The following NEK10 variants were observed in gnomAD, a reference collection of about 807,000 sequenced individuals.
The protein encoded by NEK10 is serine/threonine-protein kinase Nek10.
NEK10 carries 122 observed loss-of-function variants against 159.8 expected under a neutral mutation model. The observed-to-expected ratio is 0.76, with a 90% CI of 0.66 to 0.89. NEK10 has a LOEUF of 0.89. NEK10 is among the 40% of genes least tolerant of loss of function. The pLI is 0.00. For synonymous variants in NEK10, 466 were observed against 457.1 expected, an observed-to-expected ratio of 1.02 and a Z score of -0.25; for missense variants, 1,342 against 1,323.1, an observed-to-expected ratio of 1.01 and a Z score of -0.22.
chr3:27,106,977 AAGG>A lies in NEK10; in HGVS notation c.*4292_*4294del, dbSNP rs1939049418. On this transcript the variant is annotated 3_prime_UTR_variant, in exon 36 of 36. Transcript: ENST00000691995. ...TGCACATCTTCACAGTACAAAAGGA[AAGG>A]AGAGAAAAAGGCAGTTTCTCATGTT... Among the ~76,000 whole-genome samples, 1 of 152,190 alleles carries A rather than the reference AAGG, an allele frequency of 6.6e-6. No individual in the cohort carries two copies. Among genetic ancestry groups the A allele is most frequent in the Non-Finnish European group, 1.5e-5 (1 of 68,038 alleles).
At chr3:27,295,329 AT>A (rs2043281562) in intron 15 of NEK10, among the ~76,000 whole-genome samples, 1 of 152,224 alleles carries the variant, frequency 6.6e-6, no homozygotes, top group Non-Finnish European at 1.5e-5. Context: ...ATTCTGATAC[AT>A]AAGGAATGCA....
chr3:27,138,022 C>G (rs1480914194), intron 31 of NEK10, among the ~76,000 whole-genome samples: 2 of 152,192 alleles, frequency 1.3e-5, no homozygotes, highest in Non-Finnish European at 2.9e-5. Flanking sequence ...ATGCTAAGCT[C>G]TATCAGAAGA....
At chr3:27,352,546 A>C in intron 2 of NEK10, 21 bp from the exon 3 acceptor site, 2 of 1,568,030 alleles carry the variant, frequency 1.3e-6, no homozygotes, top group Non-Finnish European at 1.8e-6. Flanking sequence ...GAATAACACA[A>C]TGTGAACCCA....
chr3:27,314,212 C>T, intron 7 of NEK10, 85 bp downstream of exon 7: 3 of 955,862 alleles, frequency 3.1e-6, no homozygotes, highest in East Asian at 5.2e-5. Context: ...AGGAAAGCCA[C>T]CTTCTGTCAC....
At chr3:27,252,211 T>G (rs1460521502) in intron 23 of NEK10, 1 of 505,348 alleles carries the variant, frequency 2.0e-6, no homozygotes, top group Non-Finnish European at 3.9e-6. Context: ...CAACATAAGG[T>G]CAGGTAGAGG....
chr3:27,304,596 A>G (rs2044090440), intron 12 of NEK10, 151 bp downstream of exon 12: 1 of 617,824 alleles, frequency 1.6e-6, no homozygotes. Flanking sequence ...CATGCTTGTG[A>G]CAAGTCTAGA....
At position 27,174,969 on chromosome 3, in the gene NEK10, C is replaced by A; in HGVS notation, c.2506-136G>T. The A allele has an allele frequency of 4.5e-6, 3 of 661,294 alleles. No individual in the cohort carries two copies. The South Asian group carries it at 6.6e-5, about 14-fold the overall frequency. The allele number at this position is 661,294 out of a possible 1,614,324, so 41.0% of individuals were successfully genotyped here. ...TGATGCAGAAGACGCATCAGTAGTT[C>A]CACCTATACACCTGTTACAGAATCT... On this transcript the variant is annotated intron_variant, in intron 26 of 35. Transcript: ENST00000691995.
chr3:27,185,467 G>T (rs951050472), intron 26 of NEK10, among the ~76,000 whole-genome samples: 1 of 152,128 alleles, frequency 6.6e-6, no homozygotes, highest in East Asian at 1.9e-4. Flanking sequence ...CAGGTGGCAG[G>T]TCTCCAAAGT....
At chr3:27,285,052 T>TCCCGCACAGACA in intron 20 of NEK10, 91 bp from the exon 21 acceptor site, 3 of 939,334 alleles carry the variant, frequency 3.2e-6, no homozygotes, top group Non-Finnish European at 4.7e-6. Flanking sequence ...CTTCCCAGTG[T>TCCCGCACAGACA]CTGTGCGGGA....
At position 27,302,533 on chromosome 3, in the gene NEK10, G is replaced by A. The variant is rs144387192; in HGVS notation, c.1029-698C>T. Among the ~76,000 whole-genome samples the A allele has an allele frequency of 5.7e-3, 867 of 151,942 alleles. 7 individuals carry two copies. Among genetic ancestry groups the A allele is most frequent in the African/African-American group, 0.02 (833 of 41,404 alleles). On this transcript the variant is annotated intron_variant, in intron 12 of 35. Transcript: ENST00000691995. ...CTTTAATCTCATTTCATAAATTCAT[G>A]CTCTGCTTAATGTCTTTGATGAAAT...
rs567181792 is a variant in NEK10 at position 27,237,456 on chromosome 3, A to C, written c.2090+18840T>G. On this transcript the variant is annotated intron_variant, in intron 23 of 35. Transcript: ENST00000691995. ...AAAGACAGGTGTAAGAAATTATAAA[A>C]GTATTAATTTTGGGAACTGATAAAT... Among the ~76,000 whole-genome samples, 6 of 152,352 alleles carry C rather than the reference A, an allele frequency of 3.9e-5. No homozygotes were observed. In the South Asian group the frequency reaches 1.2e-3, roughly 32 times the overall value.
chr3:27,267,878 T>G (rs962246843), intron 22 of NEK10, among the ~76,000 whole-genome samples: 1 of 152,300 alleles, frequency 6.6e-6, no homozygotes, highest in African/African-American at 2.4e-5. Flanking sequence ...AGGCTGAAAG[T>G]TAGGCCTCTG....
intron 22 of NEK10, among the ~76,000 whole-genome samples, chr3:27,265,153 T>G (rs2040784874): frequency 6.6e-6 from 1 of 152,086 alleles, no homozygotes; most frequent in Non-Finnish European, 1.5e-5. Flanking sequence ...AAAAACTGAG[T>G]GTTTCCCTTT....
intron 22 of NEK10, among the ~76,000 whole-genome samples, chr3:27,266,476 G>A (rs1252446442): frequency 3.3e-5 from 5 of 152,090 alleles, no homozygotes; most frequent in African/African-American, 1.2e-4. Flanking sequence ...ATATTCATCT[G>A]GATAATCAAA....
intron 23 of NEK10, among the ~76,000 whole-genome samples, chr3:27,244,657 AT>A (rs1325532726): frequency 6.6e-6 from 1 of 151,942 alleles, no homozygotes; most frequent in Non-Finnish European, 1.5e-5. Context: ...CCTGGTGATC[AT>A]TTTTCTTCAA....
At chr3:27,179,145 A>G (rs994208609) in intron 26 of NEK10, among the ~76,000 whole-genome samples, 5 of 152,172 alleles carry the variant, frequency 3.3e-5, no homozygotes, top group African/African-American at 1.2e-4. Context: ...CCCATTCTCT[A>G]CATACAGTTA....
intron 1 of NEK10, among the ~76,000 whole-genome samples, chr3:27,364,906 A>G (rs1315846259): frequency 1.3e-5 from 2 of 152,212 alleles, no homozygotes; most frequent in East Asian, 3.9e-4. Flanking sequence ...CTCCTAATGA[A>G]TCTGTAAGGT....
At chr3:27,165,916 A>C (rs934399182) in intron 29 of NEK10, among the ~76,000 whole-genome samples, 1 of 152,274 alleles carries the variant, frequency 6.6e-6, no homozygotes, top group African/African-American at 2.4e-5. Context: ...ATCATCTCTC[A>C]TAAGAATTCC....
chr3:27,131,825 C>G (rs1942655562), intron 32 of NEK10, 55 bp downstream of exon 32: 2 of 919,492 alleles, frequency 2.2e-6, no homozygotes, highest in African/African-American at 3.3e-5. Flanking sequence ...ATAAAATGTA[C>G]CTCTTATGAT....
Sources: gnomAD v4.1 joint callset for allele counts (sites outside exome capture counted in the v4.1 genomes callset) on GRCh38, gnomAD v4.1.1 for gene constraint, MANE v1.5 for transcripts, NCBI Gene and HGNC (gene_info 2026-07-23, HGNC 2026-07-21) for gene names.